Variants in ZDHHC11B observed in about 807,000 individuals in gnomAD.
ZDHHC11B encodes the protein probable palmitoyltransferase ZDHHC11B.
In ZDHHC11B, 17 loss-of-function variants were observed where a neutral mutation model predicts 42.3. The ratio of observed to expected loss-of-function variants is 0.40; its 90% CI spans 0.27 to 0.60. The LOEUF (loss-of-function observed/expected upper bound fraction) is 0.60, where lower values mean the gene tolerates loss of function less well. Among genes scored for constraint, ZDHHC11B ranks in the 20% least tolerant of loss-of-function variants. The pLI is 0.41. For synonymous variants in ZDHHC11B, 123 were observed against 193.5 expected (o/e 0.64, Z 3.02); for missense variants, 262 against 463.2 (o/e 0.57, Z 3.99).
chr5:760,761 T>C (rs1227269187), intron 4 of ZDHHC11B, among the ~76,000 whole-genome samples: 1 of 151,742 alleles, frequency 6.6e-6, no homozygotes, highest in Non-Finnish European at 1.5e-5. Flanking sequence ...GAAAGCGATA[T>C]GCCTGAGACT....
intron 7 of ZDHHC11B, among the ~76,000 whole-genome samples, chr5:750,803 C>A (rs1356643760): frequency 7.7e-6 from 1 of 129,840 alleles, no homozygotes; most frequent in African/African-American, 2.5e-5. Flanking sequence ...GCTACATGGC[C>A]CCACAGGATG....
intron 6 of ZDHHC11B, among the ~76,000 whole-genome samples, chr5:751,813 C>A (rs11953761): frequency 0.14 from 16,194 of 115,712 alleles, 1,368 homozygotes; most frequent in East Asian, 0.35. Context: ...CAGCACACCG[C>A]CTGACAATTC....
intron 12 of ZDHHC11B, among the ~76,000 whole-genome samples, chr5:717,756 G>C (rs1428515655): frequency 6.6e-6 from 1 of 151,854 alleles, no homozygotes; most frequent in East Asian, 1.9e-4. Context: ...ATGGTCAGGA[G>C]TGTGCTGCAG....
chr5:775,283 G>C (rs553939756), intron 1 of ZDHHC11B, among the ~76,000 whole-genome samples: 1 of 152,034 alleles, frequency 6.6e-6, no homozygotes, highest in Admixed American at 6.6e-5. Context: ...GACCCCCAGA[G>C]CTCGCTCCCA....
chr5:717,223 T>C (rs1464930904), intron 12 of ZDHHC11B, among the ~76,000 whole-genome samples: 1 of 151,576 alleles, frequency 6.6e-6, no homozygotes, highest in Non-Finnish European at 1.5e-5. Context: ...CCTGGTACCT[T>C]CTTCTCACAA....
intron 10 of ZDHHC11B, among the ~76,000 whole-genome samples, chr5:740,758 AG>A (rs1452451131): frequency 4.4e-5 from 6 of 137,428 alleles, no homozygotes; most frequent in Non-Finnish European, 7.8e-5. Context: ...AAGATCCCAT[AG>A]GGTTCCTAAT....
Position 783,194 on chromosome 5 carries a change from C to T in ZDHHC11B, c.-230+1474G>A, listed in dbSNP as rs1212582208. On this transcript the variant is annotated intron_variant, in intron 1 of 13. Coordinates refer to ENST00000508859, the MANE Select transcript of ZDHHC11B (RefSeq NM_001351303.2). ...CTCCCGGGAAAACGCACACACCCTC[C>T]TGGAGCTCGCCTTCTGCAGCCGCTC... 5.9e-5 allele frequency among the ~76,000 whole-genome samples: 9 copies of T among 152,362 alleles called. No individual in the cohort carries two copies. The East Asian group carries it at 1.7e-3, about 29-fold the overall frequency.
chr5:757,928 C>T (rs1469410943), intron 4 of ZDHHC11B, among the ~76,000 whole-genome samples: 1 of 151,784 alleles, frequency 6.6e-6, no homozygotes, highest in East Asian at 1.9e-4. Flanking sequence ...CAGTCTAATC[C>T]CACCATGGTA....
intron 9 of ZDHHC11B, among the ~76,000 whole-genome samples, chr5:743,396 T>C (rs1476751102): frequency 6.7e-6 from 1 of 148,414 alleles, no homozygotes; most frequent in Non-Finnish European, 1.5e-5. Flanking sequence ...AGCCTAGGTC[T>C]TTTGAATTTG....
intron 12 of ZDHHC11B, among the ~76,000 whole-genome samples, chr5:729,467 A>G (rs1742845308): frequency 6.6e-6 from 1 of 150,860 alleles, no homozygotes; most frequent in African/African-American, 2.4e-5. Flanking sequence ...TGGGAGGAAT[A>G]TGGCAGGCAG....
chr5:765,271 T>A (rs1162650098), intron 4 of ZDHHC11B, among the ~76,000 whole-genome samples: 1 of 151,598 alleles, frequency 6.6e-6, no homozygotes, highest in Non-Finnish European at 1.5e-5. Flanking sequence ...GGTTTGTAAA[T>A]GCACCAATCA....
At chr5:777,202 G>C (rs914870552) in intron 1 of ZDHHC11B, among the ~76,000 whole-genome samples, 5 of 151,922 alleles carry the variant, frequency 3.3e-5, no homozygotes, top group Admixed American at 1.3e-4. Context: ...GCTGACTTTA[G>C]GAGTGAAGCC....
rs1379972204 is a variant in ZDHHC11B at position 723,160 on chromosome 5, C to T, written c.1059-6295G>A. On this transcript the variant is annotated intron_variant, in intron 12 of 13. Coordinates refer to ENST00000508859, the MANE Select transcript of ZDHHC11B (RefSeq NM_001351303.2). ...TCCACTATCATAAATAAACAAAATA[C>T]GGAGTCAATGAAGGAAGCAGGTCAC... Among the ~76,000 whole-genome samples the T allele has an allele frequency of 8.0e-5, 12 of 150,106 alleles. 1 individual carries two copies. Among genetic ancestry groups the T allele is most frequent in the Non-Finnish European group, 1.5e-4 (10 of 67,610 alleles).
chr5:718,615 G>A (rs1378845783), intron 12 of ZDHHC11B, among the ~76,000 whole-genome samples: 1 of 148,868 alleles, frequency 6.7e-6, no homozygotes, highest in African/African-American at 2.5e-5. Flanking sequence ...AGAATGGTGT[G>A]AACCTGGGAG....
chr5:737,239 T>C (rs1362706152), intron 10 of ZDHHC11B, among the ~76,000 whole-genome samples: 1 of 147,686 alleles, frequency 6.8e-6, no homozygotes, highest in African/African-American at 2.6e-5. Context: ...CCTGGAAATA[T>C]ACAACCCAAC....
chr5:722,244 T>C lies in ZDHHC11B; in HGVS notation c.1059-5379A>G, dbSNP rs1290078479. On this transcript the variant is annotated intron_variant, in intron 12 of 13. Coordinates refer to ENST00000508859, the MANE Select transcript of ZDHHC11B (RefSeq NM_001351303.2). ...ATGCATGATCTGGTTTCTAGAATGG[T>C]ATATTAAATTAAACATGGAGTTAAG... 2.0e-5 allele frequency among the ~76,000 whole-genome samples: 3 copies of C among 151,986 alleles called. No homozygotes were observed. In the East Asian group the frequency reaches 5.8e-4, roughly 29 times the overall value.
chr5:733,721 T>A (rs770935511), intron 11 of ZDHHC11B, 31 bp downstream of exon 11: 7 of 1,589,590 alleles, frequency 4.4e-6, no homozygotes, highest in Non-Finnish European at 6.0e-6. Flanking sequence ...GGCCCTGTCC[T>A]CAGGGTGCAT....
chr5:731,047 T>C (rs1263319867), intron 11 of ZDHHC11B, among the ~76,000 whole-genome samples: 1 of 151,896 alleles, frequency 6.6e-6, no homozygotes, highest in Non-Finnish European at 1.5e-5. Context: ...CTGCTATGTG[T>C]GCACACACAT....
At chr5:729,012 CAA>C (rs751272226) in intron 12 of ZDHHC11B, among the ~76,000 whole-genome samples, 13 of 134,776 alleles carry the variant, frequency 9.6e-5, no homozygotes, top group Admixed American at 1.5e-4. Flanking sequence ...GACCCTGTCT[CAA>C]AAAAAAAAAA....
Sources: gnomAD v4.1 joint callset for allele counts (sites outside exome capture counted in the v4.1 genomes callset) on GRCh38, gnomAD v4.1.1 for gene constraint, MANE v1.5 for transcripts, NCBI Gene and HGNC (gene_info 2026-07-23, HGNC 2026-07-21) for gene names.